CATSPERE: variants seen among roughly 807,000 people sequenced by gnomAD.
The protein encoded by CATSPERE is cation channel sperm-associated auxiliary subunit epsilon.
Under a neutral mutation model 114.1 loss-of-function variants are expected in CATSPERE, and 93 were observed. The observed-to-expected ratio is 0.81, with a 90% CI of 0.69 to 0.97. The LOEUF (loss-of-function observed/expected upper bound fraction) is 0.97. CATSPERE is among the 50% of genes least tolerant of loss of function. CATSPERE has a pLI of 0.00. For synonymous variants in CATSPERE, 341 were observed against 384.1 expected (o/e 0.89, Z 1.31); for missense variants, 1,058 against 1,131.6 (o/e 0.93, Z 0.93).
intron 8 of CATSPERE, among the ~76,000 whole-genome samples, chr1:244,528,409 A>C (rs1224540904): frequency 6.6e-6 from 1 of 152,234 alleles, no homozygotes; most frequent in African/African-American, 2.4e-5. Context: ...AGGAAAGGTA[A>C]AGTGTAATTC....
intron 5 of CATSPERE, among the ~76,000 whole-genome samples, chr1:244,490,182 G>A (rs979036208): frequency 5.3e-5 from 8 of 152,128 alleles, no homozygotes; most frequent in South Asian, 2.1e-4. Context: ...TAGCGTGAGC[G>A]GTTTTGGTGA....
chr1:244,602,573 G>C (rs1669409234), intron 17 of CATSPERE, among the ~76,000 whole-genome samples: 1 of 152,204 alleles, frequency 6.6e-6, no homozygotes, highest in Non-Finnish European at 1.5e-5. Flanking sequence ...GCCAGCCCTG[G>C]GAGTGTGATC....
At chr1:244,473,617 C>T (rs1256055602) in intron 2 of CATSPERE, among the ~76,000 whole-genome samples, 1 of 151,970 alleles carries the variant, frequency 6.6e-6, no homozygotes, top group Non-Finnish European at 1.5e-5. Flanking sequence ...TAATGAAGTC[C>T]AATTTATCAA....
At chr1:244,508,519 T>A (rs1327605857) in intron 7 of CATSPERE, among the ~76,000 whole-genome samples, 1 of 151,668 alleles carries the variant, frequency 6.6e-6, no homozygotes, top group Non-Finnish European at 1.5e-5. Context: ...GCCAGGATGG[T>A]CTCAATACCC....
chr1:244,566,839 C>T (rs567662492), intron 10 of CATSPERE, among the ~76,000 whole-genome samples: 2 of 151,614 alleles, frequency 1.3e-5, no homozygotes, highest in South Asian at 4.2e-4. Flanking sequence ...GCATTTAGCC[C>T]ATTTACATTT....
chr1:244,556,737 T>C (rs1661635450), intron 9 of CATSPERE, among the ~76,000 whole-genome samples: 1 of 152,194 alleles, frequency 6.6e-6, no homozygotes, highest in Admixed American at 6.5e-5. Context: ...CAATTTCAAT[T>C]TTTATACCTT....
intron 7 of CATSPERE, among the ~76,000 whole-genome samples, chr1:244,511,282 T>A (rs1675716028): frequency 6.6e-6 from 1 of 152,230 alleles, no homozygotes; most frequent in Non-Finnish European, 1.5e-5. Flanking sequence ...TAGCTACTCC[T>A]GCTCACTTTG....
At chr1:244,498,726 C>T (rs994020429) in intron 6 of CATSPERE, among the ~76,000 whole-genome samples, 8 of 151,884 alleles carry the variant, frequency 5.3e-5, no homozygotes, top group Non-Finnish European at 8.8e-5. Flanking sequence ...GGTGAAACCC[C>T]GTCTCTACTA....
chr1:244,639,845 T>C, intron 21 of CATSPERE, 83 bp from the exon 22 acceptor site: 6 of 1,240,806 alleles, frequency 4.8e-6, no homozygotes, highest in Non-Finnish European at 6.7e-6. Flanking sequence ...AGTAGCTAGC[T>C]ATTCAAAAAG....
intron 8 of CATSPERE, among the ~76,000 whole-genome samples, chr1:244,532,457 T>A (rs1679766365): frequency 6.6e-6 from 1 of 152,186 alleles, no homozygotes; most frequent in Non-Finnish European, 1.5e-5. Context: ...GCTATAAACT[T>A]CTCTCAGTAC....
intron 10 of CATSPERE, among the ~76,000 whole-genome samples, chr1:244,565,852 C>T (rs1663384536): frequency 6.6e-6 from 1 of 152,150 alleles, no homozygotes; most frequent in Non-Finnish European, 1.5e-5. Flanking sequence ...CTGCTCCAAT[C>T]TTAGCTATTT....
intron 6 of CATSPERE, among the ~76,000 whole-genome samples, chr1:244,494,241 G>A (rs1572393561): frequency 1.3e-5 from 2 of 151,858 alleles, no homozygotes; most frequent in Non-Finnish European, 2.9e-5. Context: ...AGAAAATGTG[G>A]CACATATACA....
Position 244,496,256 on chromosome 1 carries a change from T to C in CATSPERE, c.352-2746T>C, listed in dbSNP as rs369377364. 5.3e-5 allele frequency among the ~76,000 whole-genome samples: 8 copies of C among 152,354 alleles called. No individual in the cohort carries two copies. In the South Asian group the frequency reaches 6.2e-4, roughly 12 times the overall value. On this transcript the variant is annotated intron_variant, in intron 6 of 21. Transcript: ENST00000366534. Reference sequence around the variant, plus strand: ...ATCACATGATAAAATTTTAAAATCCTTTAAAGAATCAAAGAGCTGTGAGTA... The same window carrying C: ...ATCACATGATAAAATTTTAAAATCCCTTAAAGAATCAAAGAGCTGTGAGTA...
intron 19 of CATSPERE, among the ~76,000 whole-genome samples, chr1:244,613,088 A>G (rs1259345760): frequency 6.6e-6 from 1 of 152,216 alleles, no homozygotes; most frequent in Admixed American, 6.5e-5. Context: ...TAATGATACA[A>G]GGCTATTAGG....
rs1282162581 is a variant in CATSPERE, at chr1:244,490,456, TAAC to T, written c.340_342del (p.Asn114del). 1.9e-6 allele frequency: 3 copies of T among 1,542,110 alleles called. No individual in the cohort carries two copies. Among genetic ancestry groups the T allele is most frequent in the Non-Finnish European group, 2.7e-6 (3 of 1,118,206 alleles). On this transcript the variant is annotated inframe_deletion, in exon 6 of 22. Transcript: ENST00000366534. ...CTCTTTTTCCAAGCAGACATTTCTTTAACAACTTTACCCAGGTAAAATATTTTT... is the reference window on the plus strand; with the variant it reads ...CTCTTTTTCCAAGCAGACATTTCTTTAACTTTACCCAGGTAAAATATTTTT...
intron 5 of CATSPERE, among the ~76,000 whole-genome samples, chr1:244,483,927 T>TTA (rs1008547210): frequency 1.3e-5 from 2 of 152,164 alleles, no homozygotes; most frequent in Non-Finnish European, 1.5e-5. Flanking sequence ...TCTAAAAGTT[T>TTA]TATATGTTTT....
intron 9 of CATSPERE, among the ~76,000 whole-genome samples, chr1:244,553,612 C>CACACACACACACACACATATATACAT (rs1558484706): frequency 1.3e-4 from 17 of 127,172 alleles, no homozygotes; most frequent in African/African-American, 6.2e-4. Flanking sequence ...TACACACACA[C>CACACACACACACACACATATATACAT]ACACACACAC....
At chr1:244,629,554 C>T (rs1170654089) in intron 20 of CATSPERE, among the ~76,000 whole-genome samples, 1 of 141,682 alleles carries the variant, frequency 7.1e-6, no homozygotes, top group Non-Finnish European at 1.5e-5. Flanking sequence ...GCTATGTTGC[C>T]CAGCCTGGTC....
chr1:244,557,589 T>A (rs55909905), intron 9 of CATSPERE, among the ~76,000 whole-genome samples: 14,271 of 70,172 alleles, frequency 0.2, 2,253 homozygotes, highest in African/African-American at 0.39. Flanking sequence ...ATATAAAATC[T>A]CCCAGGTTCT....
Sources: gnomAD v4.1 joint callset for allele counts (sites outside exome capture counted in the v4.1 genomes callset) on GRCh38, gnomAD v4.1.1 for gene constraint, MANE v1.5 for transcripts, NCBI Gene and HGNC (gene_info 2026-07-23, HGNC 2026-07-21) for gene names.